IL19: variants seen among roughly 807,000 people sequenced by gnomAD.
IL19 encodes the protein interleukin-19.
A neutral mutation model predicts 19.5 loss-of-function variants in IL19; 15 were observed. That is an observed-to-expected ratio of 0.77 (90% CI 0.52 to 1.19). IL19 has a LOEUF of 1.19. IL19 is among the 50% of genes most tolerant of loss of function. IL19 has a pLI of 0.00. For missense variants in IL19, 199 were observed against 213.1 expected, an observed-to-expected ratio of 0.93 and a Z score of 0.41; for synonymous variants, 78 against 78.3, an observed-to-expected ratio of 1.00 and a Z score of 0.02.
rs1317549903 is a variant in IL19, at chr1:206,833,752, G to C, written c.-2-2909G>C. The C allele has an allele frequency of 6.1e-6, 6 of 985,356 alleles. No homozygotes were observed. The African/African-American group carries it at 1.0e-4, about 17-fold the overall frequency. 61.0% of individuals were successfully genotyped at this position (985,356 alleles called of 1,614,324 possible). On this transcript the variant is annotated intron_variant, in intron 2 of 6. Transcript: ENST00000659997. ...CTCTCTGCATTAATCAAGAATGAGA[G>C]AACCCTCCAGGGGACAAGATGAAGG...
intron 2 of IL19, among the ~76,000 whole-genome samples, chr1:206,801,301 T>G (rs999950396): frequency 1.3e-5 from 2 of 152,206 alleles, no homozygotes; most frequent in African/African-American, 4.8e-5. Flanking sequence ...GGACTGCTCC[T>G]GCTCTGGAAT....
In IL19 at chr1:206,841,538, G is replaced by A. The variant is rs575839234; in HGVS notation, c.438+460G>A. 4.6e-5 allele frequency among the ~76,000 whole-genome samples: 7 copies of A among 152,352 alleles called. No individual in the cohort carries two copies. In the East Asian group the frequency reaches 9.6e-4, roughly 21 times the overall value. ...ATGCACATCTCACGTGGAGGTAGAG[G>A]AAGAAGCAGTGTTTCTCATGAGCAT... is the stretch of plus-strand genomic sequence containing the variant. On this transcript the variant is annotated intron_variant, in intron 6 of 6. Transcript: ENST00000659997.
intron 1 of IL19, among the ~76,000 whole-genome samples, chr1:206,795,687 C>T (rs971299245): frequency 2.0e-5 from 3 of 152,198 alleles, no homozygotes; most frequent in African/African-American, 7.2e-5. Flanking sequence ...ACAGCCTCTG[C>T]ATACTACACA....
At position 206,798,842 on chromosome 1, in the gene IL19, T is replaced by C. The variant is rs186592422; in HGVS notation, c.-148-19T>C. 82 of 1,336,728 alleles carry C rather than the reference T, an allele frequency of 6.1e-5. No individual in the cohort carries two copies. In the African/African-American group the frequency reaches 1.0e-3, roughly 17 times the overall value. The allele number at this position is 1,336,728 out of a possible 1,614,324, so 82.8% of individuals were successfully genotyped here. A position where few individuals can be genotyped will look rare whatever the true frequency, so the allele number is the denominator to read the frequency against. On this transcript the variant is annotated intron_variant, in intron 1 of 6. Transcript: ENST00000659997. ...GTGTACCTTTTTGTAATGATGACTC[T>C]CTATGATTTTCTCCATAGAGCGGTG... is the stretch of plus-strand genomic sequence containing the variant.
chr1:206,824,825 C>G (rs1178656848), intron 2 of IL19, among the ~76,000 whole-genome samples: 5 of 152,188 alleles, frequency 3.3e-5, no homozygotes, highest in African/African-American at 1.2e-4. Context: ...TGCAATGGCA[C>G]GATCTCGGCT....
chr1:206,835,626 C>G (rs1467942530), intron 2 of IL19, among the ~76,000 whole-genome samples: 1 of 152,182 alleles, frequency 6.6e-6, no homozygotes, highest in South Asian at 2.1e-4. Context: ...CTCTCCTCCA[C>G]GGCCACACAC....
At chr1:206,781,485 G>T (rs2102448206) in intron 1 of IL19, among the ~76,000 whole-genome samples, 2 of 149,100 alleles carry the variant, frequency 1.3e-5, no homozygotes, top group South Asian at 2.1e-4. Context: ...TGAGCACTTT[G>T]CTCAGAAGGA....
rs1442751543 is a variant in IL19 at position 206,833,778 on chromosome 1, G to C, written c.-2-2883G>C. 4.1e-6 allele frequency: 4 copies of C among 985,450 alleles called. No individual in the cohort carries two copies. The African/African-American group carries it at 7.0e-5, about 17-fold the overall frequency. 61.0% of individuals were successfully genotyped at this position (985,450 alleles called of 1,614,324 possible). ...AACCCTCCAGGGGACAAGATGAAGGGGAAATAGATGATGTGCAAAGAAATC... is the reference window on the plus strand; with the variant it reads ...AACCCTCCAGGGGACAAGATGAAGGCGAAATAGATGATGTGCAAAGAAATC... On this transcript the variant is annotated intron_variant, in intron 2 of 6. Coordinates refer to ENST00000659997, the MANE Select transcript of IL19 (RefSeq NM_153758.5).
chr1:206,836,845 A>G, intron 3 of IL19, 39 bp downstream of exon 3: 1 of 1,612,060 alleles, frequency 6.2e-7, no homozygotes, highest in Non-Finnish European at 8.5e-7. Context: ...ATGACGGAGT[A>G]TCCCTCCCCT....
At chr1:206,837,467 A>G (rs549714814) in intron 4 of IL19, among the ~76,000 whole-genome samples, 3 of 152,280 alleles carry the variant, frequency 2.0e-5, no homozygotes, top group East Asian at 1.9e-4. Context: ...CAAAGGACAT[A>G]TAAGTGAGTG....
intron 2 of IL19, among the ~76,000 whole-genome samples, chr1:206,830,900 G>A (rs1676586837): frequency 2.6e-5 from 4 of 152,092 alleles, no homozygotes; most frequent in African/African-American, 7.2e-5. Flanking sequence ...TTACAAATTC[G>A]TTCTCAGTCA....
chr1:206,793,917 G>T, intron 1 of IL19, among the ~76,000 whole-genome samples: 1 of 152,166 alleles, frequency 6.6e-6, no homozygotes, highest in East Asian at 1.9e-4. Context: ...GGGAAGGAGA[G>T]TGGGGACAGG....
chr1:206,829,830 C>G (rs1333263716), intron 2 of IL19, among the ~76,000 whole-genome samples: 1 of 152,176 alleles, frequency 6.6e-6, no homozygotes, highest in Non-Finnish European at 1.5e-5. Flanking sequence ...ATGTGTCACC[C>G]AGGGTCTGAG....
rs960912139 is a variant in IL19 at position 206,834,318 on chromosome 1, G to A, written c.-2-2343G>A. 1.6e-5 allele frequency: 16 copies of A among 985,476 alleles called. No homozygotes were observed. The Admixed American group carries it at 9.8e-4, about 61-fold the overall frequency. 61.0% of individuals were successfully genotyped at this position (985,476 alleles called of 1,614,324 possible). A position where few individuals can be genotyped will look rare whatever the true frequency, so the allele number is the denominator to read the frequency against. ...TGACAGCATTTCCTCTTATCCACCT[G>A]AATAAAAATGACCAGCCCTTTCCAA... is the stretch of plus-strand genomic sequence containing the variant. On this transcript the variant is annotated intron_variant, in intron 2 of 6. Coordinates refer to ENST00000659997, the MANE Select transcript of IL19 (RefSeq NM_153758.5).
chr1:206,789,377 AC>A (rs35583121), intron 1 of IL19, among the ~76,000 whole-genome samples: 1 of 151,852 alleles, frequency 6.6e-6, no homozygotes. Flanking sequence ...CCATTATACC[AC>A]CCCTTATGCC....
In IL19 at chr1:206,842,768, G is replaced by A. The variant is rs2243192; in HGVS notation, c.*146G>A. ...GGCTGGCCTCAGGCTGTCTTATTCC[G>A]CTTGAAAATAGCCAAAAAGTCTACT... On this transcript the variant is annotated 3_prime_UTR_variant, in exon 7 of 7. Coordinates refer to ENST00000659997, the MANE Select transcript of IL19 (RefSeq NM_153758.5). 6.1e-4 allele frequency: 335 copies of A among 551,448 alleles called. No homozygotes were observed. The highest frequency in any genetic ancestry group is 5.2e-3 in the African/African-American group (276 of 52,584). The allele number at this position is 551,448 out of a possible 1,614,324, so 34.2% of individuals were successfully genotyped here.
At chr1:206,771,378 T>C (rs747219677) in intron 1 of IL19, 1 of 1,613,770 alleles carries the variant, frequency 6.2e-7, no homozygotes, top group South Asian at 1.1e-5. Context: ...CAGCAAGGAC[T>C]CCTTTAACAA....
Position 206,837,000 on chromosome 1 carries a change from T to A in IL19, c.187T>A (p.Leu63Met). The A allele has an allele frequency of 1.2e-6, 2 of 1,613,760 alleles. No individual in the cohort carries two copies. Among genetic ancestry groups the A allele is most frequent in the Non-Finnish European group, 1.7e-6 (2 of 1,179,634 alleles). The change falls in exon 4 of 7, where the codon TTG becomes ATG. Residue 63 changes from leucine to methionine, a missense_variant. Physicochemically the swap from Leu to Met is conservative, Grantham distance 15. Coordinates refer to ENST00000659997, the MANE Select transcript of IL19 (RefSeq NM_153758.5). The stretch of plus-strand genomic sequence containing the variant: ...CCCAAATGTCACTATCCTGTCCACA[T>A]TGGAGACTCTGCAGATCATTAAGGT... ...TFPNVTILST[L>M]ETLQIIKPLD...
intron 2 of IL19, among the ~76,000 whole-genome samples, chr1:206,831,100 C>T (rs759412041): frequency 3.9e-5 from 6 of 152,214 alleles, no homozygotes; most frequent in South Asian, 2.1e-4. Flanking sequence ...TTTTTGTATG[C>T]GCTCAAGACT....
Sources: allele counts gnomAD v4.1 joint callset (sites outside exome capture counted in the v4.1 genomes callset), GRCh38; gene constraint gnomAD v4.1.1; transcripts MANE v1.5; gene names NCBI Gene and HGNC (gene_info 2026-07-23, HGNC 2026-07-21).